ATP9B: variants seen among roughly 807,000 people sequenced by gnomAD.
ATP9B encodes ATPase phospholipid transporting 9B, also known as probable phospholipid-transporting ATPase IIB.
Under a neutral mutation model 146.1 loss-of-function variants are expected in ATP9B, and 110 were observed. That is an observed-to-expected ratio of 0.75 (90% CI 0.65 to 0.88). The LOEUF (loss-of-function observed/expected upper bound fraction) is 0.88. ATP9B is among the 40% of genes least tolerant of loss of function. The pLI, the probability that ATP9B is intolerant of heterozygous loss-of-function variation, is 0.00. For synonymous variants in ATP9B, 604 were observed against 569.7 expected, an observed-to-expected ratio of 1.06 and a Z score of -0.86; for missense variants, 1,499 against 1,496.4, an observed-to-expected ratio of 1.00 and a Z score of -0.03.
chr18:79,133,533 A>T (rs1373308699), intron 5 of ATP9B, among the ~76,000 whole-genome samples: 3 of 151,556 alleles, frequency 2.0e-5, no homozygotes, highest in South Asian at 2.1e-4. Context: ...ACACACACAC[A>T]CACTCACTCT....
At chr18:79,306,883 C>T in intron 14 of ATP9B, 103 bp from the exon 15 acceptor site, 1 of 1,326,762 alleles carries the variant, frequency 7.5e-7, no homozygotes, top group Non-Finnish European at 1.0e-6. Flanking sequence ...CTACTTATTT[C>T]TAGCTACTTT....
At chr18:79,125,432 C>T (rs918179728) in intron 4 of ATP9B, among the ~76,000 whole-genome samples, 2 of 152,190 alleles carry the variant, frequency 1.3e-5, no homozygotes, top group Non-Finnish European at 2.9e-5. Flanking sequence ...AAACATTCTT[C>T]AGCAGCACAC....
At chr18:79,288,872 G>A (rs542001610) in intron 13 of ATP9B, among the ~76,000 whole-genome samples, 57 of 152,100 alleles carry the variant, frequency 3.7e-4, no homozygotes, top group South Asian at 8.3e-4. Context: ...CTTCACTTAC[G>A]AAGCTTAGTT....
At chr18:79,277,526 G>A (rs1254991364) in intron 13 of ATP9B, among the ~76,000 whole-genome samples, 2 of 151,968 alleles carry the variant, frequency 1.3e-5, no homozygotes, top group Non-Finnish European at 2.9e-5. Flanking sequence ...CTTATTAAGA[G>A]CAAGAATTCC....
In ATP9B at chr18:79,374,121, T is replaced by C. The variant is rs111831257; in HGVS notation, c.3274+20T>C. Reference sequence around the variant, plus strand: ...ATTTTGGTAAGTTGCCTTGGAATTGTTTTTTGAATCGTTCTCTATTCATGA... The same window carrying C: ...ATTTTGGTAAGTTGCCTTGGAATTGCTTTTTGAATCGTTCTCTATTCATGA... On this transcript the variant is annotated intron_variant, in intron 28 of 29. Transcript: ENST00000426216. The C allele has an allele frequency of 1.3e-3, 2,062 of 1,610,672 alleles. 13 individuals are homozygous for C. In the African/African-American group the frequency reaches 0.023, roughly 18 times the overall value.
rs1425933421 is a variant in ATP9B at position 79,110,474 on chromosome 18, A to G, written c.413A>G (p.Gln138Arg). The stretch of plus-strand genomic sequence containing the variant: ...CATCCCAGGAATTCTATAAAAAATC[A>G]AAAATACAATGTGTTTACCTTTATA... ...EKHPRNSIKN[Q>R]KYNVFTFIPG... is the part of the protein sequence containing the mutation. Residue 138 changes from glutamine to arginine, a missense_variant, in exon 3 of 30, where the codon CAA (glutamine) becomes CGA (arginine). By Grantham distance (43) the Gln-to-Arg change is conservative. Transcript: ENST00000426216. The G allele has an allele frequency of 6.2e-7, 1 of 1,613,606 alleles. No homozygotes were observed. The highest frequency in any genetic ancestry group is 1.1e-5 in the South Asian group (1 of 91,038).
intron 9 of ATP9B, among the ~76,000 whole-genome samples, chr18:79,202,467 C>T (rs1407146541): frequency 3.9e-5 from 6 of 152,170 alleles, no homozygotes; most frequent in Admixed American, 1.3e-4. Context: ...AGCCAAAATA[C>T]TCTCCTTCAA....
intron 21 of ATP9B, 131 bp from the exon 22 acceptor site, chr18:79,345,297 A>G (rs760092066): frequency 3.0e-5 from 33 of 1,108,170 alleles, no homozygotes; most frequent in Non-Finnish European, 4.1e-5. Context: ...AATGATTCAC[A>G]GAAAACTGAA....
chr18:79,266,097 G>A (rs1450582671), intron 12 of ATP9B, among the ~76,000 whole-genome samples: 3 of 151,990 alleles, frequency 2.0e-5, no homozygotes, highest in African/African-American at 7.2e-5. Flanking sequence ...ATTCATCCTT[G>A]TGTTCTTTAA....
In ATP9B at chr18:79,277,328, T is replaced by A. The variant is rs1019221746; in HGVS notation, c.1411+132T>A. On this transcript the variant is annotated intron_variant, in intron 13 of 29. Transcript: ENST00000426216. ...ATTGGAACAGATCATTGAATCCATATTTAGAATTTTTCAGCCTCTACTCTT... is the reference window on the plus strand; with the variant it reads ...ATTGGAACAGATCATTGAATCCATAATTAGAATTTTTCAGCCTCTACTCTT... The A allele has an allele frequency of 7.5e-6, 9 of 1,195,450 alleles. No individual in the cohort carries two copies. In the Admixed American group the frequency reaches 2.4e-4, roughly 32 times the overall value. 74.1% of individuals were successfully genotyped at this position (1,195,450 alleles called of 1,614,324 possible).
chr18:79,289,172 AT>A (rs1163835900), intron 13 of ATP9B, among the ~76,000 whole-genome samples: 1 of 152,098 alleles, frequency 6.6e-6, no homozygotes, highest in Non-Finnish European at 1.5e-5. Flanking sequence ...GCCTTGCTAG[AT>A]TGGGGAGGTT....
At chr18:79,153,329 A>G (rs1476131522) in intron 6 of ATP9B, among the ~76,000 whole-genome samples, 1 of 152,226 alleles carries the variant, frequency 6.6e-6, no homozygotes, top group Non-Finnish European at 1.5e-5. Context: ...AAATGTATGA[A>G]TAGTGACTTG....
intron 15 of ATP9B, among the ~76,000 whole-genome samples, chr18:79,307,794 A>G (rs1020540354): frequency 5.3e-5 from 8 of 152,308 alleles, no homozygotes; most frequent in Non-Finnish European, 1.0e-4. Context: ...GATCGGGAAA[A>G]TTCATTATTA....
intron 29 of ATP9B, chr18:79,376,406 T>G: frequency 1.0e-6 from 1 of 954,384 alleles, no homozygotes; most frequent in Non-Finnish European, 1.2e-6. Flanking sequence ...TTTTTTTTTT[T>G]GAGACGAAGT....
Position 79,292,669 on chromosome 18 carries a change from T to TAA in ATP9B, c.1412-10922_1412-10921dup, listed in dbSNP as rs11388848. Among the ~76,000 whole-genome samples the TAA allele has an allele frequency of 8.1e-4, 116 of 143,934 alleles. 1 individual carries two copies. The highest frequency in any genetic ancestry group is 7.1e-3 in the Middle Eastern group (2 of 280). 94.4% of individuals were successfully genotyped at this position (143,934 alleles called of 152,430 possible). ...GACTTGCAACTCGTGATTTCTTCTT[T>TAA]AAAAAAAAAAAAAAGACATGCATCC... On this transcript the variant is annotated intron_variant, in intron 13 of 29. Coordinates refer to ENST00000426216, the MANE Select transcript of ATP9B (RefSeq NM_198531.5).
intron 9 of ATP9B, among the ~76,000 whole-genome samples, chr18:79,194,163 T>C (rs2095395999): frequency 6.6e-6 from 1 of 152,080 alleles, no homozygotes; most frequent in Admixed American, 6.5e-5. Flanking sequence ...AATTCTGAAA[T>C]AAACTCACAT....
rs1160980474 is a variant in ATP9B at position 79,171,643 on chromosome 18, AG to A, written c.779-5168del. ...GACACTGGTACAGTGTGTGCGCGTA[AG>A]GCTGTGTTATTTCATCTTGAGTGTG... On this transcript the variant is annotated intron_variant, in intron 7 of 29. Transcript: ENST00000426216. Among the ~76,000 whole-genome samples the A allele has an allele frequency of 4.0e-5, 6 of 151,892 alleles. No homozygotes were observed. In the South Asian group the frequency reaches 8.3e-4, roughly 21 times the overall value.
intron 1 of ATP9B, among the ~76,000 whole-genome samples, chr18:79,093,717 C>T (rs922039149): frequency 3.3e-5 from 5 of 152,004 alleles, no homozygotes; most frequent in Non-Finnish European, 5.9e-5. Context: ...TGCATGGGTG[C>T]GTGTGCACAC....
At position 79,326,034 on chromosome 18, in the gene ATP9B, G is replaced by T. The variant is rs752615215; in HGVS notation, c.1774-3107G>T. Among the ~76,000 whole-genome samples the T allele has an allele frequency of 3.4e-4, 40 of 118,250 alleles. 1 individual carries two copies. The highest frequency in any genetic ancestry group is 4.9e-3 in the Middle Eastern group (1 of 206). 77.6% of individuals were successfully genotyped at this position (118,250 alleles called of 152,430 possible). A position where few individuals can be genotyped will look rare whatever the true frequency, so the allele number is the denominator to read the frequency against. On this transcript the variant is annotated intron_variant, in intron 15 of 29. Transcript: ENST00000426216. ...CCCTCCCGTCATATAGTGTTAGGGT[G>T]TCACCTCTGTACCCTCCCTCCCCTC...
Sources: allele counts gnomAD v4.1 joint callset (sites outside exome capture counted in the v4.1 genomes callset), GRCh38; gene constraint gnomAD v4.1.1; transcripts MANE v1.5; gene names NCBI Gene and HGNC (gene_info 2026-07-23, HGNC 2026-07-21).